Variants in PTPRN2 observed in about 807,000 individuals in gnomAD.
The protein encoded by PTPRN2 is receptor-type tyrosine-protein phosphatase N2.
PTPRN2 carries 74 observed loss-of-function variants against 118.8 expected under a neutral mutation model. The observed-to-expected ratio is 0.62, with a 90% CI of 0.52 to 0.76. The LOEUF (loss-of-function observed/expected upper bound fraction) is 0.76. Ranked by LOEUF, PTPRN2 falls within the 30% of genes least tolerant of loss-of-function variation. PTPRN2 has a pLI of 0.00. For missense variants in PTPRN2, 1,481 were observed against 1,394.4 expected, an observed-to-expected ratio of 1.06 and a Z score of -0.99; for synonymous variants, 641 against 608.0, an observed-to-expected ratio of 1.05 and a Z score of -0.80.
At chr7:157,726,353 G>C (rs1311904359) in intron 12 of PTPRN2, among the ~76,000 whole-genome samples, 1 of 136,070 alleles carries the variant, frequency 7.3e-6, no homozygotes, top group East Asian at 2.2e-4. Flanking sequence ...CCATACCCTC[G>C]CCTCCCAGGA....
At chr7:158,196,787 G>T (rs1476161738) in intron 4 of PTPRN2, among the ~76,000 whole-genome samples, 2 of 152,154 alleles carry the variant, frequency 1.3e-5, no homozygotes, top group African/African-American at 2.4e-5. Flanking sequence ...GCCAGAAGAC[G>T]ATGGAAAACA....
At chr7:158,498,062 T>C (rs1243131447) in intron 1 of PTPRN2, among the ~76,000 whole-genome samples, 2 of 152,264 alleles carry the variant, frequency 1.3e-5, no homozygotes, top group Admixed American at 6.5e-5. Context: ...CGGTGATGTG[T>C]GTGCTCAGCA....
chr7:158,471,635 C>G (rs967195627), intron 2 of PTPRN2, among the ~76,000 whole-genome samples: 8 of 152,156 alleles, frequency 5.3e-5, no homozygotes, highest in African/African-American at 1.9e-4. Flanking sequence ...TTGTGGCGAG[C>G]TGAGATTGCG....
chr7:157,973,980 T>A (rs1194245737), intron 11 of PTPRN2, among the ~76,000 whole-genome samples: 1 of 152,158 alleles, frequency 6.6e-6, no homozygotes, highest in Non-Finnish European at 1.5e-5. Flanking sequence ...TTGGTGAGCT[T>A]CCTTCCAGAG....
intron 12 of PTPRN2, among the ~76,000 whole-genome samples, chr7:157,852,156 G>A (rs958084294): frequency 3.3e-5 from 5 of 152,198 alleles, no homozygotes; most frequent in African/African-American, 9.7e-5. Context: ...CAGAACCAAG[G>A]AAAGTTATAT....
chr7:158,532,852 G>A (rs779717492), intron 1 of PTPRN2: 19 of 530,486 alleles, frequency 3.6e-5, no homozygotes, highest in Middle Eastern at 6.9e-4. Flanking sequence ...AATGTGGCCC[G>A]TGCTGCACTC....
At chr7:158,207,907 C>T (rs1351184722) in intron 3 of PTPRN2, among the ~76,000 whole-genome samples, 1 of 152,130 alleles carries the variant, frequency 6.6e-6, no homozygotes, top group Non-Finnish European at 1.5e-5. Context: ...ATAGAAAAGA[C>T]AATCAGAATC....
At position 157,801,267 on chromosome 7, in the gene PTPRN2, G is replaced by A. The variant is rs948618118; in HGVS notation, c.1788+97406C>T. On this transcript the variant is annotated intron_variant, in intron 12 of 22. Transcript: ENST00000389418. This position sits in a 1 kb window ranked among gnomAD's most constrained non-coding sequence, Gnocchi z 4.2. The stretch of plus-strand genomic sequence containing the variant: ...GAAAGTATCAGGCCTTCCGCTTAGC[G>A]CTGCCTTCGAGATCAGTCTCTCGAC... 6.6e-6 allele frequency among the ~76,000 whole-genome samples: 1 copy of A among 152,206 alleles called. No individual in the cohort carries two copies. Among genetic ancestry groups the A allele is most frequent in the South Asian group, 2.1e-4 (1 of 4,816 alleles).
chr7:158,297,054 C>T lies in PTPRN2; in HGVS notation c.277+19765G>A, dbSNP rs180769044. 2.3e-3 allele frequency among the ~76,000 whole-genome samples: 357 copies of T among 152,312 alleles called. 4 individuals are homozygous for T. Among genetic ancestry groups the T allele is most frequent in the Non-Finnish European group, 5.6e-4 (38 of 68,026 alleles). On this transcript the variant is annotated intron_variant, in intron 3 of 22. Transcript: ENST00000389418. ...GGATAGCATTCCATCCAAACACAAA[C>T]GTGCGCCTTACTAGTTCCTCTGCTT...
chr7:157,871,844 T>C (rs2151262091), intron 12 of PTPRN2, among the ~76,000 whole-genome samples: 1 of 151,298 alleles, frequency 6.6e-6, no homozygotes, highest in African/African-American at 2.4e-5. Context: ...TCTACACATG[T>C]GCACTCAGCT....
In PTPRN2 at chr7:157,622,929, G is replaced by A. The variant is rs1056183672; in HGVS notation, c.2197-1420C>T. 3.3e-5 allele frequency among the ~76,000 whole-genome samples: 5 copies of A among 152,138 alleles called. No individual in the cohort carries two copies. Among genetic ancestry groups the A allele is most frequent in the African/African-American group, 7.2e-5 (3 of 41,428 alleles). ...CCTTGAGCCTTGGGAGCACACCTGCGCCAGGAACAGAAACATCAGGGCTGC... is the reference window on the plus strand; with the variant it reads ...CCTTGAGCCTTGGGAGCACACCTGCACCAGGAACAGAAACATCAGGGCTGC... On this transcript the variant is annotated intron_variant, in intron 14 of 22. Transcript: ENST00000389418. This position sits in a 1 kb window ranked among gnomAD's most constrained non-coding sequence, Gnocchi z 5.3.
At chr7:158,582,733 G>A (rs1018867705) in intron 1 of PTPRN2, among the ~76,000 whole-genome samples, 2 of 144,730 alleles carry the variant, frequency 1.4e-5, no homozygotes, top group African/African-American at 5.2e-5. Flanking sequence ...GGAGCTCGAG[G>A]CTGCAATGAG....
At chr7:157,996,753 A>G (rs571671475) in intron 11 of PTPRN2, among the ~76,000 whole-genome samples, 2 of 152,302 alleles carry the variant, frequency 1.3e-5, no homozygotes, top group South Asian at 2.1e-4. Flanking sequence ...CTGTGCTTGC[A>G]AAGAAAAAAA....
intron 12 of PTPRN2, chr7:157,864,634 G>A (rs546509203): frequency 6.6e-6 from 1 of 152,472 alleles, no homozygotes; most frequent in East Asian, 1.9e-4. Flanking sequence ...GCCACGGCGG[G>A]GCTGTGTGTG....
chr7:157,847,985 C>CTT (rs1418230582), intron 12 of PTPRN2, among the ~76,000 whole-genome samples: 2 of 151,648 alleles, frequency 1.3e-5, no homozygotes, highest in African/African-American at 4.8e-5. Context: ...ACAGAGCCCT[C>CTT]TTTCATTACA....
intron 11 of PTPRN2, among the ~76,000 whole-genome samples, chr7:157,958,498 T>G (rs1801322632): frequency 6.6e-6 from 1 of 152,176 alleles, no homozygotes; most frequent in Non-Finnish European, 1.5e-5. Flanking sequence ...AGGTAGAAAA[T>G]CATAAAGATT....
chr7:158,239,085 C>T (rs1268903380), intron 3 of PTPRN2, among the ~76,000 whole-genome samples: 1 of 152,206 alleles, frequency 6.6e-6, no homozygotes, highest in Non-Finnish European at 1.5e-5. Flanking sequence ...GTCAAGGTGC[C>T]ACAGCCCCCA....
chr7:158,232,501 T>A (rs1179942666), intron 3 of PTPRN2, among the ~76,000 whole-genome samples: 1 of 152,148 alleles, frequency 6.6e-6, no homozygotes, highest in South Asian at 2.1e-4. Context: ...CCTTCACTGA[T>A]GAATTCTACC....
At chr7:158,146,762 T>C (rs907587803) in intron 6 of PTPRN2, among the ~76,000 whole-genome samples, 11 of 150,222 alleles carry the variant, frequency 7.3e-5, no homozygotes, top group African/African-American at 2.7e-4. Context: ...AATAGAAAAT[T>C]AAAAGCTTCA....
Sources: allele counts gnomAD v4.1 joint callset (sites outside exome capture counted in the v4.1 genomes callset), GRCh38; gene constraint gnomAD v4.1.1; non-coding constraint Gnocchi (gnomAD v3.1); transcripts MANE v1.5; gene names NCBI Gene and HGNC (gene_info 2026-07-23, HGNC 2026-07-21).